PDE3A: variants seen among roughly 807,000 people sequenced by gnomAD.
PDE3A encodes the protein cGMP-inhibited 3',5'-cyclic phosphodiesterase 3A.
A neutral mutation model predicts 98.3 loss-of-function variants in PDE3A; 43 were observed. The ratio of observed to expected loss-of-function variants is 0.44; its 90% CI spans 0.34 to 0.56. The LOEUF (loss-of-function observed/expected upper bound fraction) is 0.56, where lower values mean the gene tolerates loss of function less well. Among genes scored for constraint, PDE3A ranks in the 20% least tolerant of loss-of-function variants. The probability of loss-of-function intolerance (pLI) is 0.01; values close to 1 mark genes in which losing one functional copy is unlikely to be tolerated. For synonymous variants in PDE3A, 663 were observed against 567.9 expected, an observed-to-expected ratio of 1.17 and a Z score of -2.38; for missense variants, 1,427 against 1,440.7, an observed-to-expected ratio of 0.99 and a Z score of 0.15.
chr12:20,629,881 A>G (rs1472521550), intron 5 of PDE3A, 27 bp from the exon 6 acceptor site: 2 of 1,536,828 alleles, frequency 1.3e-6, no homozygotes, highest in Non-Finnish European at 1.8e-6. Context: ...ACATTTGTTT[A>G]GTTACTTAAC....
In PDE3A at chr12:20,585,299, A is replaced by G. The variant is rs989043750; in HGVS notation, c.1012-28144A>G. 3.3e-5 allele frequency among the ~76,000 whole-genome samples: 5 copies of G among 152,212 alleles called. No homozygotes were observed. The East Asian group carries it at 7.7e-4, about 23-fold the overall frequency. On this transcript the variant is annotated intron_variant, in intron 2 of 15. Transcript: ENST00000359062. ...CCAGATGAAGTCCTGTAATTGAAGC[A>G]TAGTTTAGGCTTAGCCCAGAGTTGG...
intron 1 of PDE3A, among the ~76,000 whole-genome samples, chr12:20,508,369 A>C (rs896955836): frequency 1.5e-4 from 23 of 151,396 alleles, no homozygotes; most frequent in Non-Finnish European, 2.9e-4. Context: ...TTACTCATAT[A>C]TAATTTTTTT....
At position 20,684,364 on chromosome 12, in the gene PDE3A, C is replaced by T. The variant is rs564995575; in HGVS notation, c.*4093C>T. On this transcript the variant is annotated 3_prime_UTR_variant, in exon 16 of 16. Transcript: ENST00000359062. ...TTATATGCCATTTGTAAATAAACTT[C>T]CTTTCAAACTGTTAGAACGCTCCAA... 6.6e-5 allele frequency: 10 copies of T among 152,260 alleles called. No homozygotes were observed. The South Asian group carries it at 1.9e-3, about 28-fold the overall frequency. 9.4% of individuals were successfully genotyped at this position (152,260 alleles called of 1,614,324 possible).
rs551266337 is a variant in PDE3A at position 20,563,032 on chromosome 12, C to T, written c.1011+6322C>T. 8.5e-5 allele frequency among the ~76,000 whole-genome samples: 13 copies of T among 152,204 alleles called. 1 individual carries two copies. In the East Asian group the frequency reaches 2.3e-3, roughly 27 times the overall value. On this transcript the variant is annotated intron_variant, in intron 2 of 15. Coordinates refer to ENST00000359062, the MANE Select transcript of PDE3A (RefSeq NM_000921.5). ...GTGGTTTAACAAGTCCTGGAGGCAA[C>T]AAATTGTAAAAATTCTAGACTAAAA...
At chr12:20,523,443 C>T (rs1377650763) in intron 1 of PDE3A, among the ~76,000 whole-genome samples, 4 of 152,218 alleles carry the variant, frequency 2.6e-5, no homozygotes, top group African/African-American at 7.2e-5. Context: ...TGTCTTCTTT[C>T]TCTAATTTCC....
At chr12:20,471,726 A>G (rs1458105510) in intron 1 of PDE3A, among the ~76,000 whole-genome samples, 1 of 152,174 alleles carries the variant, frequency 6.6e-6, no homozygotes, top group Non-Finnish European at 1.5e-5. Context: ...TTATTTATTT[A>G]AAACTCCACA....
At chr12:20,599,825 T>TTCTA (rs1350883277) in intron 2 of PDE3A, among the ~76,000 whole-genome samples, 3 of 152,340 alleles carry the variant, frequency 2.0e-5, no homozygotes, top group South Asian at 4.1e-4. Context: ...ATCTTCATTT[T>TTCTA]TCTATCTTCC....
At chr12:20,401,606 C>T (rs116918978) in intron 1 of PDE3A, among the ~76,000 whole-genome samples, 18 of 152,288 alleles carry the variant, frequency 1.2e-4, no homozygotes, top group Non-Finnish European at 2.2e-4. Flanking sequence ...TCCTGATCTC[C>T]AACCAGCTTA....
In PDE3A at chr12:20,657,707, T is replaced by C. The variant is rs942218793; in HGVS notation, c.3184+3502T>C. Among the ~76,000 whole-genome samples the C allele has an allele frequency of 7.2e-5, 11 of 152,312 alleles. No individual in the cohort carries two copies. In the East Asian group the frequency reaches 1.4e-3, roughly 19 times the overall value. On this transcript the variant is annotated intron_variant, in intron 15 of 15. Coordinates refer to ENST00000359062, the MANE Select transcript of PDE3A (RefSeq NM_000921.5). ...GTTTTAGACCACCTGCAGGCTCTAATCTACGCAAATTTATTTGGTACAAAC... is the reference window on the plus strand; with the variant it reads ...GTTTTAGACCACCTGCAGGCTCTAACCTACGCAAATTTATTTGGTACAAAC...
intron 15 of PDE3A, among the ~76,000 whole-genome samples, chr12:20,654,695 G>A (rs913733121): frequency 8.5e-6 from 1 of 117,062 alleles, no homozygotes; most frequent in Non-Finnish European, 1.7e-5. Flanking sequence ...TGTATTTTGA[G>A]TAGAGATCGG....
intron 1 of PDE3A, chr12:20,449,636 T>A: frequency 2.5e-6 from 1 of 404,666 alleles, no homozygotes; most frequent in Non-Finnish European, 4.6e-6. Flanking sequence ...TGTGGCAGAT[T>A]TTAGTCTACA....
chr12:20,513,477 A>T (rs1040511049), intron 1 of PDE3A, among the ~76,000 whole-genome samples: 1 of 152,300 alleles, frequency 6.6e-6, no homozygotes, highest in East Asian at 1.9e-4. Context: ...CATCAATGAC[A>T]TATACTTTCT....
At chr12:20,431,739 ATTAAT>A (rs1301938084) in intron 1 of PDE3A, among the ~76,000 whole-genome samples, 1 of 152,226 alleles carries the variant, frequency 6.6e-6, no homozygotes, top group Non-Finnish European at 1.5e-5. Flanking sequence ...ATTATTTGAA[ATTAAT>A]TTAAAGAACA....
chr12:20,679,906 ATATAATATAATATAATAAGG>A, intron 15 of PDE3A, 104 bp from the exon 16 acceptor site: 1 of 9,290 alleles, frequency 1.1e-4, no homozygotes, highest in Non-Finnish European at 2.6e-4. Flanking sequence ...TATATATATA[ATATAATATAATATAATAAGG>A]TTATGGATTA....
chr12:20,660,759 G>A (rs1945149234), intron 15 of PDE3A, among the ~76,000 whole-genome samples: 1 of 152,180 alleles, frequency 6.6e-6, no homozygotes, highest in Non-Finnish European at 1.5e-5. Flanking sequence ...GGCTTCCTGA[G>A]CAACATGGAA....
chr12:20,663,162 G>A (rs1396813852), intron 15 of PDE3A, among the ~76,000 whole-genome samples: 1 of 152,186 alleles, frequency 6.6e-6, no homozygotes, highest in African/African-American at 2.4e-5. Context: ...TTGAGGTCTG[G>A]GAACCTCCAC....
Position 20,420,469 on chromosome 12 carries a change from C to T in PDE3A, c.960+50225C>T, listed in dbSNP as rs116467691. Among the ~76,000 whole-genome samples the T allele has an allele frequency of 1.7e-3, 260 of 152,112 alleles. 3 individuals are homozygous for T. The highest frequency in any genetic ancestry group is 6.2e-3 in the African/African-American group (258 of 41,490). ...GGCTACCCTGGAATAAGCTAGCATC[C>T]GAGAGGAATGAAACTCCATTGGTAA... is the stretch of plus-strand genomic sequence containing the variant. On this transcript the variant is annotated intron_variant, in intron 1 of 15. Coordinates refer to ENST00000359062, the MANE Select transcript of PDE3A (RefSeq NM_000921.5).
chr12:20,665,959 CTTTTTTTT>C (rs35859257), intron 15 of PDE3A, among the ~76,000 whole-genome samples: 2 of 94,990 alleles, frequency 2.1e-5, no homozygotes, highest in African/African-American at 8.9e-5. Context: ...TTTGTCATTT[CTTTTTTTT>C]TTTTTTTTTT....
At chr12:20,657,335 C>G (rs1340265946) in intron 15 of PDE3A, among the ~76,000 whole-genome samples, 1 of 152,094 alleles carries the variant, frequency 6.6e-6, no homozygotes, top group Admixed American at 6.5e-5. Context: ...AACTTCAATG[C>G]TTTTGGCTCT....
Sources: gnomAD v4.1 joint callset for allele counts (sites outside exome capture counted in the v4.1 genomes callset) on GRCh38, gnomAD v4.1.1 for gene constraint, MANE v1.5 for transcripts, NCBI Gene and HGNC (gene_info 2026-07-23, HGNC 2026-07-21) for gene names.